FAM120B: variants seen among roughly 807,000 people sequenced by gnomAD.
FAM120B encodes the protein constitutive coactivator of peroxisome proliferator-activated receptor gamma.
A neutral mutation model predicts 96.3 loss-of-function variants in FAM120B; 83 were observed. That is an observed-to-expected ratio of 0.86 (90% CI 0.72 to 1.03). FAM120B has a LOEUF of 1.03. Among genes scored for constraint, FAM120B ranks in the 50% least tolerant of loss-of-function variants. The probability of loss-of-function intolerance (pLI) is 0.00; values close to 1 mark genes in which losing one functional copy is unlikely to be tolerated. For missense variants in FAM120B, 1,027 were observed against 1,121.2 expected, an observed-to-expected ratio of 0.92 and a Z score of 1.20; for synonymous variants, 407 against 402.7, an observed-to-expected ratio of 1.01 and a Z score of -0.13.
chr6:170,325,922 A>G (rs562593425), intron 3 of FAM120B, among the ~76,000 whole-genome samples: 2 of 152,114 alleles, frequency 1.3e-5, no homozygotes, highest in South Asian at 4.2e-4. Flanking sequence ...CGGTTTTTGC[A>G]ATTACTTTTA....
intron 1 of FAM120B, among the ~76,000 whole-genome samples, chr6:170,316,952 C>T (rs1784939695): frequency 6.6e-6 from 1 of 152,136 alleles, no homozygotes; most frequent in African/African-American, 2.4e-5. Flanking sequence ...ACTTCTTTTA[C>T]TCAGAAAAAT....
chr6:170,291,358 T>C (rs1483007311), upstream of FAM120B, among the ~76,000 whole-genome samples: 1 of 151,082 alleles, frequency 6.6e-6, no homozygotes, highest in Non-Finnish European at 1.5e-5. Context: ...GGACGCGGCC[T>C]CCGAAACTCC....
intron 6 of FAM120B, among the ~76,000 whole-genome samples, chr6:170,372,659 G>C (rs3734766): frequency 6.6e-6 from 1 of 151,930 alleles, no homozygotes; most frequent in Non-Finnish European, 1.5e-5. Flanking sequence ...TGGGTTGGTG[G>C]GTTCTGCCCT....
intron 8 of FAM120B, among the ~76,000 whole-genome samples, chr6:170,393,127 CAT>C (rs1790558000): frequency 1.6e-5 from 2 of 126,542 alleles, no homozygotes; most frequent in South Asian, 5.0e-4. Flanking sequence ...GCCTGAGAAA[CAT>C]AGCGAGACCC....
At chr6:170,404,337 T>C in intron 9 of FAM120B, 2 of 515,728 alleles carry the variant, frequency 3.9e-6, no homozygotes, top group Non-Finnish European at 6.9e-6. Flanking sequence ...ATTGTTTCCT[T>C]CCACGAACCT....
At chr6:170,333,042 A>G (rs1484317164) in intron 4 of FAM120B, among the ~76,000 whole-genome samples, 1 of 152,288 alleles carries the variant, frequency 6.6e-6, no homozygotes, top group East Asian at 1.9e-4. Flanking sequence ...GCAGAAAAAA[A>G]CTATAGAAAT....
At chr6:170,294,640 A>G (rs1298488312), upstream of FAM120B, among the ~76,000 whole-genome samples, 3 of 152,184 alleles carry the variant, frequency 2.0e-5, no homozygotes. This position sits in a 1 kb window ranked among gnomAD's most constrained non-coding sequence, Gnocchi z 7.9. Flanking sequence ...ATGGTCACTC[A>G]ATCCTATTCC....
Position 170,317,774 on chromosome 6 carries a change from A to G in FAM120B, c.384A>G (p.Arg128=). 1 of 1,614,232 alleles carries G rather than the reference A, an allele frequency of 6.2e-7. No individual in the cohort carries two copies. Among genetic ancestry groups the G allele is most frequent in the African/African-American group, 1.3e-5 (1 of 75,064 alleles). The part of the protein sequence containing the change: ...YIKSHKEQPG[R]NMFFIPSGLA... Reference sequence around the variant, plus strand: ...AGTCACACAAGGAGCAGCCAGGCAGAAATATGTTCTTCATCCCCTCAGGGC... The same window carrying G: ...AGTCACACAAGGAGCAGCCAGGCAGGAATATGTTCTTCATCCCCTCAGGGC... The change falls in exon 2 of 11, where the codon AGA becomes AGG. Residue 128 remains arginine (R), a synonymous_variant. Transcript: ENST00000476287.
intron 6 of FAM120B, among the ~76,000 whole-genome samples, chr6:170,360,983 A>G (rs1372064798): frequency 6.6e-6 from 1 of 151,728 alleles, no homozygotes; most frequent in Non-Finnish European, 1.5e-5. Context: ...TTGCAGTCGT[A>G]TTGCATTGGG....
intron 4 of FAM120B, among the ~76,000 whole-genome samples, chr6:170,343,679 G>A (rs1354355541): frequency 2.6e-5 from 4 of 152,054 alleles, no homozygotes; most frequent in African/African-American, 9.7e-5. Flanking sequence ...TGGCTGGTGT[G>A]TTAAAACACA....
At chr6:170,328,429 G>A (rs1216530046) in intron 3 of FAM120B, among the ~76,000 whole-genome samples, 1 of 152,156 alleles carries the variant, frequency 6.6e-6, no homozygotes, top group East Asian at 1.9e-4. Context: ...TTTCTTTGGG[G>A]GGGTATAGTT....
intron 1 of FAM120B, chr6:170,298,062 C>G (rs1562504100): frequency 6.6e-6 from 1 of 152,148 alleles, no homozygotes; most frequent in Non-Finnish European, 1.5e-5. Context: ...CACAATGAGT[C>G]CTTTAGTGCC....
intron 4 of FAM120B, among the ~76,000 whole-genome samples, chr6:170,335,654 A>G (rs1786368001): frequency 6.6e-6 from 1 of 152,196 alleles, no homozygotes; most frequent in African/African-American, 2.4e-5. Flanking sequence ...TGGTTGAACT[A>G]ATTTACAGTC....
At chr6:170,326,890 C>T (rs1246922087) in intron 3 of FAM120B, among the ~76,000 whole-genome samples, 3 of 152,252 alleles carry the variant, frequency 2.0e-5, no homozygotes, top group East Asian at 3.9e-4. Flanking sequence ...AGGCATGCGC[C>T]ACCACACCCG....
chr6:170,318,855 A>G lies in FAM120B; in HGVS notation c.1465A>G (p.Thr489Ala), dbSNP rs1486589503. 2 of 1,614,228 alleles carry G rather than the reference A, an allele frequency of 1.2e-6. No homozygotes were observed. The highest frequency in any genetic ancestry group is 1.1e-5 in the South Asian group (1 of 91,086). ...PESRQEVLIR[T>A]DPESRQEIMC... The stretch of plus-strand genomic sequence containing the variant: ...ATCCAGGCAAGAAGTTTTAATACGG[A>G]CAGACCCTGAATCTAGGCAAGAAAT... The change falls in exon 2 of 11, where the codon ACA becomes GCA. Residue 489 changes from threonine to alanine, a missense_variant. Thr to Ala is a moderately conservative substitution (Grantham distance 58). Coordinates refer to ENST00000476287, the MANE Select transcript of FAM120B (RefSeq NM_032448.3).
chr6:170,377,915 G>A (rs1390007581), intron 6 of FAM120B, among the ~76,000 whole-genome samples: 2 of 152,150 alleles, frequency 1.3e-5, no homozygotes, highest in African/African-American at 2.4e-5. Context: ...AAACCCAGAC[G>A]CCTGGGAGAG....
chr6:170,399,805 C>T (rs890125427), intron 9 of FAM120B, among the ~76,000 whole-genome samples: 2 of 141,236 alleles, frequency 1.4e-5, no homozygotes, highest in Admixed American at 1.4e-4. Context: ...GAAGGTAGAA[C>T]TATGTCATAA....
upstream of FAM120B, among the ~76,000 whole-genome samples, chr6:170,304,417 T>C (rs1784209022): frequency 6.6e-6 from 1 of 152,222 alleles, no homozygotes; most frequent in African/African-American, 2.4e-5. Flanking sequence ...TTGGTCTTCC[T>C]AGGTTTGTTG....
At chr6:170,375,107 C>A (rs542308215) in intron 6 of FAM120B, among the ~76,000 whole-genome samples, 1 of 152,358 alleles carries the variant, frequency 6.6e-6, no homozygotes, top group East Asian at 1.9e-4. Context: ...AGGGCTCCCT[C>A]TGCTGTAACT....
Sources: allele counts gnomAD v4.1 joint callset (sites outside exome capture counted in the v4.1 genomes callset), GRCh38; gene constraint gnomAD v4.1.1; non-coding constraint Gnocchi (gnomAD v3.1); transcripts MANE v1.5; gene names NCBI Gene and HGNC (gene_info 2026-07-23, HGNC 2026-07-21).